PDE8B: variants seen among roughly 807,000 people sequenced by gnomAD.
The protein encoded by PDE8B is phosphodiesterase 8B.
PDE8B carries 26 observed loss-of-function variants against 101.3 expected under a neutral mutation model. That is an observed-to-expected ratio of 0.26 (90% CI 0.19 to 0.36). The LOEUF (loss-of-function observed/expected upper bound fraction) is 0.36. Among genes scored for constraint, PDE8B ranks in the 10% least tolerant of loss-of-function variants. PDE8B has a pLI of 1.00. For synonymous variants in PDE8B, 424 were observed against 429.3 expected (o/e 0.99, Z 0.15); for missense variants, 810 against 1,163.1 (o/e 0.70, Z 4.42).
Position 77,329,075 on chromosome 5 carries a change from TC to T in PDE8B, c.650+21del. On this transcript the variant is annotated intron_variant, in intron 4 of 21. Coordinates refer to ENST00000264917, the MANE Select transcript of PDE8B (RefSeq NM_003719.5). ...TCGCGAGTGTAAGTGCACCTCCCATTCCCAGATGGAAGGAGTACTGTTCATT... is the reference window on the plus strand; with the variant it reads ...TCGCGAGTGTAAGTGCACCTCCCATTCCAGATGGAAGGAGTACTGTTCATT... 6.3e-7 allele frequency: 1 copy of T among 1,589,260 alleles called. No individual in the cohort carries two copies. The highest frequency in any genetic ancestry group is 8.6e-7 in the Non-Finnish European group (1 of 1,157,280).
the PDE8B span, among the ~76,000 whole-genome samples, chr5:77,153,100 C>G: frequency 0.011 from 1,698 of 152,142 alleles, 15 homozygotes; most frequent in Middle Eastern, 0.037. Flanking sequence ...GAGTGGAGGC[C>G]AGGGATGCTG....
At chr5:77,165,865 G>A in the PDE8B span, among the ~76,000 whole-genome samples, 1 of 152,018 alleles carries the variant, frequency 6.6e-6, no homozygotes, top group East Asian at 1.9e-4. Flanking sequence ...ACTTAGCCAG[G>A]TGTGGTGGTG....
At chr5:77,262,346 A>G (rs1214570965) in intron 1 of PDE8B, among the ~76,000 whole-genome samples, 4 of 152,200 alleles carry the variant, frequency 2.6e-5, no homozygotes, top group Non-Finnish European at 4.4e-5. Context: ...AGCTTTATCC[A>G]CAGTCTCCCT....
chr5:77,147,684 G>A, the PDE8B span: 6 of 152,038 alleles, frequency 3.9e-5, no homozygotes, highest in African/African-American at 7.3e-5. Flanking sequence ...CTTTGAAAAA[G>A]CAAGTTGCCA....
intron 1 of PDE8B, among the ~76,000 whole-genome samples, chr5:77,297,512 T>C (rs1371701042): frequency 6.6e-6 from 1 of 152,206 alleles, no homozygotes; most frequent in Non-Finnish European, 1.5e-5. Context: ...TTCCATGTGA[T>C]GCTGATGCTG....
chr5:77,316,318 C>G (rs575160846), intron 2 of PDE8B, among the ~76,000 whole-genome samples: 1 of 152,316 alleles, frequency 6.6e-6, no homozygotes, highest in African/African-American at 2.4e-5. Flanking sequence ...ACTGCAAACT[C>G]TGCCTCCTGG....
the PDE8B span, among the ~76,000 whole-genome samples, chr5:77,122,338 C>T: frequency 5.9e-5 from 9 of 152,316 alleles, no homozygotes; most frequent in Non-Finnish European, 1.2e-4. Context: ...TAATCAGAGT[C>T]GATTACTCTT....
At chr5:77,151,719 C>T in the PDE8B span, among the ~76,000 whole-genome samples, 1 of 152,212 alleles carries the variant, frequency 6.6e-6, no homozygotes, top group African/African-American at 2.4e-5. Flanking sequence ...ATACCCTTCT[C>T]ACTCCTTCCA....
chr5:77,313,860 T>C (rs183407170), intron 2 of PDE8B, among the ~76,000 whole-genome samples: 1 of 152,230 alleles, frequency 6.6e-6, no homozygotes, highest in Non-Finnish European at 1.5e-5. Flanking sequence ...ACTCTTCGTA[T>C]GTATGTGTCC....
chr5:77,357,926 T>C (rs1489013202), intron 10 of PDE8B, among the ~76,000 whole-genome samples: 3 of 152,238 alleles, frequency 2.0e-5, no homozygotes, highest in African/African-American at 2.4e-5. Context: ...TTCTGCTGCC[T>C]GCAACCCTTG....
At chr5:77,399,420 A>G (rs2150993032) in intron 10 of PDE8B, among the ~76,000 whole-genome samples, 1 of 152,314 alleles carries the variant, frequency 6.6e-6, no homozygotes, top group African/African-American at 2.4e-5. Flanking sequence ...CTACACACTC[A>G]TCTGTCTTAT....
intron 6 of PDE8B, among the ~76,000 whole-genome samples, chr5:77,340,860 T>G (rs1040368228): frequency 1.3e-5 from 2 of 152,136 alleles, no homozygotes; most frequent in African/African-American, 4.8e-5. Context: ...ACTTTATACC[T>G]GGACCCCTGT....
upstream of PDE8B, among the ~76,000 whole-genome samples, chr5:77,207,659 G>T (rs142570316): frequency 6.6e-6 from 1 of 152,082 alleles, no homozygotes; most frequent in African/African-American, 2.4e-5. Context: ...GTGGCAATTG[G>T]TTCAGAAATC....
chr5:77,316,003 G>A (rs998352991), intron 2 of PDE8B, among the ~76,000 whole-genome samples: 5 of 151,410 alleles, frequency 3.3e-5, no homozygotes, highest in Non-Finnish European at 7.4e-5. Context: ...TAAAAATATG[G>A]GAAATAAAAT....
intron 10 of PDE8B, among the ~76,000 whole-genome samples, chr5:77,368,267 C>T (rs1202966732): frequency 6.6e-6 from 1 of 152,198 alleles, no homozygotes; most frequent in Non-Finnish European, 1.5e-5. Context: ...CAAGATAACA[C>T]TTGACTCTTT....
intron 1 of PDE8B, among the ~76,000 whole-genome samples, chr5:77,310,455 C>T (rs1340502831): frequency 2.6e-5 from 4 of 152,250 alleles, no homozygotes; most frequent in Admixed American, 2.6e-4. Flanking sequence ...GCACCCACAC[C>T]TTGCAGGATA....
intron 17 of PDE8B, among the ~76,000 whole-genome samples, chr5:77,416,872 T>C (rs955907729): frequency 1.3e-5 from 2 of 152,134 alleles, no homozygotes; most frequent in Admixed American, 6.5e-5. Flanking sequence ...CCCCAACATC[T>C]TGGGGACCAC....
chr5:77,204,846 C>T, the PDE8B span, among the ~76,000 whole-genome samples: 11 of 152,324 alleles, frequency 7.2e-5, no homozygotes, highest in East Asian at 1.9e-3. Flanking sequence ...ATGGATTGTA[C>T]TATATTTTCA....
intron 1 of PDE8B, among the ~76,000 whole-genome samples, chr5:77,254,693 T>A (rs1758753710): frequency 6.6e-6 from 1 of 152,074 alleles, no homozygotes; most frequent in African/African-American, 2.4e-5. Context: ...ATAATTGGAG[T>A]TAATTTTTTA....
Sources: allele counts gnomAD v4.1 joint callset (sites outside exome capture counted in the v4.1 genomes callset), GRCh38; gene constraint gnomAD v4.1.1; transcripts MANE v1.5; gene names NCBI Gene and HGNC (gene_info 2026-07-23, HGNC 2026-07-21).